The following DHRSX variants were observed in gnomAD, a reference collection of about 807,000 sequenced individuals.
The protein encoded by DHRSX is dehydrogenase/reductase X-linked.
In DHRSX, 31 loss-of-function variants were observed where a neutral mutation model predicts 34.0. The ratio of observed to expected loss-of-function variants is 0.91; its 90% confidence interval spans 0.69 to 1.23. The LOEUF is 1.23. Among genes scored for constraint, DHRSX ranks in the 50% most tolerant of loss-of-function variants. The pLI is 0.00. For missense variants in DHRSX, 414 were observed against 428.1 expected, an observed-to-expected ratio of 0.97 and a Z score of 0.29; for synonymous variants, 201 against 183.8, an observed-to-expected ratio of 1.09 and a Z score of -0.76.
At chrX:2,306,263 T>C (rs780208495) in intron 3 of DHRSX, among the ~76,000 whole-genome samples, 1 of 151,288 alleles carries the variant, frequency 6.6e-6, no homozygotes, top group Admixed American at 6.6e-5. Context: ...AGAGAAACAC[T>C]GGTAGGAAGG....
intron 3 of DHRSX, 106 bp from the exon 4 acceptor site, chrX:2,291,709 C>CTTT: frequency 4.6e-6 from 2 of 432,000 alleles, no homozygotes; most frequent in East Asian, 4.7e-5. Flanking sequence ...GGAAGTAACA[C>CTTT]TTTTTTTTTT....
At chrX:2,241,276 C>G (rs1167352065) in intron 6 of DHRSX, among the ~76,000 whole-genome samples, 1 of 152,160 alleles carries the variant, frequency 6.6e-6, no homozygotes, top group Non-Finnish European at 1.5e-5. Context: ...AAGATCATTG[C>G]AGAAATGTGG....
intron 2 of DHRSX, among the ~76,000 whole-genome samples, chrX:2,415,971 C>T (rs779877800): frequency 6.6e-6 from 1 of 151,188 alleles, no homozygotes; most frequent in Non-Finnish European, 1.5e-5. Context: ...TCATCATGAC[C>T]AACCCAACTA....
intron 6 of DHRSX, among the ~76,000 whole-genome samples, chrX:2,239,126 C>T (rs1305711005): frequency 3.9e-5 from 6 of 152,088 alleles, no homozygotes; most frequent in Admixed American, 1.3e-4. Context: ...CAGTATCACT[C>T]GAGCAATGCC....
intron 3 of DHRSX, chrX:2,392,414 G>A (rs2043345277): frequency 3.4e-6 from 1 of 291,392 alleles, no homozygotes; most frequent in Admixed American, 4.0e-5. Flanking sequence ...GGCTGAGGTG[G>A]GAGGATCGCT....
At chrX:2,433,729 T>C (rs1331333009) in intron 1 of DHRSX, among the ~76,000 whole-genome samples, 2 of 152,152 alleles carry the variant, frequency 1.3e-5, no homozygotes, top group Admixed American at 6.6e-5. Context: ...GCAAAGGACA[T>C]GAACTCATCC....
intron 3 of DHRSX, among the ~76,000 whole-genome samples, chrX:2,383,888 C>T (rs2043241920): frequency 6.6e-6 from 1 of 152,162 alleles, no homozygotes; most frequent in African/African-American, 2.4e-5. Context: ...TCTCAAGAAC[C>T]AGGAACCACA....
At chrX:2,337,967 G>GTA (rs2042589851) in intron 3 of DHRSX, 3 of 141,538 alleles carry the variant, frequency 2.1e-5, no homozygotes, top group African/African-American at 8.3e-5. Context: ...ACAAGTCAAT[G>GTA]ATAAGACGAC....
chrX:2,464,234 G>A (rs2044447931), intron 1 of DHRSX, among the ~76,000 whole-genome samples: 1 of 149,434 alleles, frequency 6.7e-6, no homozygotes, highest in African/African-American at 2.5e-5. Context: ...CATTCCCTAA[G>A]CACGTGGCCC....
At chrX:2,310,200 A>T (rs960050605) in intron 3 of DHRSX, among the ~76,000 whole-genome samples, 7 of 152,224 alleles carry the variant, frequency 4.6e-5, no homozygotes, top group Admixed American at 3.9e-4. Flanking sequence ...CTTGGAGCCA[A>T]GAGCTGATGC....
intron 1 of DHRSX, among the ~76,000 whole-genome samples, chrX:2,463,838 C>A (rs2044438087): frequency 6.6e-6 from 1 of 152,128 alleles, no homozygotes; most frequent in Non-Finnish European, 1.5e-5. Context: ...GAAAAGGACA[C>A]AGACACAGAC....
intron 4 of DHRSX, among the ~76,000 whole-genome samples, chrX:2,276,874 G>GA (rs778315700): frequency 5.1e-4 from 19 of 37,154 alleles, no homozygotes; most frequent in South Asian, 2.4e-3. Flanking sequence ...GAGAGAGAAG[G>GA]AGGGGAGGAA....
chrX:2,263,599 C>T (rs1325064717), intron 5 of DHRSX, among the ~76,000 whole-genome samples: 5 of 151,476 alleles, frequency 3.3e-5, no homozygotes, highest in South Asian at 2.1e-4. Flanking sequence ...CCACAACCTC[C>T]GCCTCCCGGG....
chrX:2,238,672 C>T (rs1362120575), intron 6 of DHRSX, among the ~76,000 whole-genome samples: 1 of 151,796 alleles, frequency 6.6e-6, no homozygotes, highest in African/African-American at 2.4e-5. Context: ...CAACCTCCGC[C>T]TCCCAGGTTC....
Position 2,318,506 on chromosome X carries a change from G to A in DHRSX, c.287-26903C>T, listed in dbSNP as rs770306131. Among the ~76,000 whole-genome samples, 21 of 151,680 alleles carry A rather than the reference G, an allele frequency of 1.4e-4. No homozygotes were observed. In the East Asian group the frequency reaches 3.1e-3, roughly 22 times the overall value. On this transcript the variant is annotated intron_variant, in intron 3 of 6. Coordinates refer to ENST00000334651, the MANE Select transcript of DHRSX (RefSeq NM_145177.3). The stretch of plus-strand genomic sequence containing the variant: ...ACCCCATGCAAACCAAGATGGCGAC[G>A]AGACTGACCTCTGGTCTTCCTCACT...
At chrX:2,385,872 C>G (rs1201090027) in intron 3 of DHRSX, among the ~76,000 whole-genome samples, 4 of 152,092 alleles carry the variant, frequency 2.6e-5, no homozygotes, top group Non-Finnish European at 4.4e-5. Context: ...GTTGGTGGCT[C>G]TGGTCACTTT....
chrX:2,485,728 GGAGAA>G (rs1434079022), intron 1 of DHRSX, among the ~76,000 whole-genome samples: 1 of 79,130 alleles, frequency 1.3e-5, no homozygotes, highest in African/African-American at 7.0e-5. Flanking sequence ...GAGAAGGAAG[GGAGAA>G]AAGGGAGAGA....
intron 1 of DHRSX, among the ~76,000 whole-genome samples, chrX:2,495,290 C>A (rs1411986403): frequency 6.6e-6 from 1 of 151,364 alleles, no homozygotes; most frequent in East Asian, 1.9e-4. Flanking sequence ...ATCATTATTC[C>A]TATTGTTGTT....
intron 3 of DHRSX, among the ~76,000 whole-genome samples, chrX:2,345,857 C>T (rs756412277): frequency 1.3e-5 from 2 of 152,140 alleles, no homozygotes; most frequent in East Asian, 1.9e-4. Context: ...CTCCAGCTGG[C>T]TGGTCTACCC....
Sources: gnomAD v4.1 joint callset for allele counts (sites outside exome capture counted in the v4.1 genomes callset) on GRCh38, gnomAD v4.1.1 for gene constraint, MANE v1.5 for transcripts, NCBI Gene and HGNC (gene_info 2026-07-23, HGNC 2026-07-21) for gene names.